ALOX15B: variants seen among roughly 807,000 people sequenced by gnomAD.
ALOX15B encodes polyunsaturated fatty acid lipoxygenase ALOX15B.
A neutral mutation model predicts 73.8 loss-of-function variants in ALOX15B; 74 were observed. That is an observed-to-expected ratio of 1.00 (90% CI 0.83 to 1.22). The LOEUF (loss-of-function observed/expected upper bound fraction) is 1.22. ALOX15B is among the 50% of genes most tolerant of loss of function. The pLI, the probability that ALOX15B is intolerant of heterozygous loss-of-function variation, is 0.00. For synonymous variants in ALOX15B, 353 were observed against 357.2 expected, an observed-to-expected ratio of 0.99 and a Z score of 0.13; for missense variants, 896 against 859.9, an observed-to-expected ratio of 1.04 and a Z score of -0.52.
intron 9 of ALOX15B, 76 bp from the exon 10 acceptor site, chr17:8,046,831 G>A: frequency 5.6e-6 from 9 of 1,611,214 alleles, no homozygotes; most frequent in Non-Finnish European, 6.8e-6. Flanking sequence ...GGTAGGAGTG[G>A]CCCATCTCCC....
At position 8,045,559 on chromosome 17, in the gene ALOX15B, C is replaced by G; in HGVS notation, c.1073C>G (p.Thr358Ser). The change falls in exon 8 of 14, where the codon ACC (threonine) becomes AGC (serine). Residue 358 changes from threonine (T) to serine (S), a missense_variant. Thr to Ser is a moderately conservative substitution (Grantham distance 58). Coordinates refer to ENST00000380183, the MANE Select transcript of ALOX15B (RefSeq NM_001141.3). ...AAGTGGGACTGGTTGCTGGCCAAGACCTGGGTGCGCAATGCCGAGTTCTCC... is the reference window on the plus strand; with the variant it reads ...AAGTGGGACTGGTTGCTGGCCAAGAGCTGGGTGCGCAATGCCGAGTTCTCC... Reference protein sequence around the residue: ...DDKWDWLLAKTWVRNAEFSFH... With the variant: ...DDKWDWLLAKSWVRNAEFSFH... The G allele has an allele frequency of 1.2e-6, 2 of 1,614,196 alleles. No homozygotes were observed. Among genetic ancestry groups the G allele is most frequent in the Non-Finnish European group, 1.7e-6 (2 of 1,180,038 alleles).
chr17:8,043,178 A>T (rs1464818055), intron 5 of ALOX15B, among the ~76,000 whole-genome samples: 2 of 152,210 alleles, frequency 1.3e-5, no homozygotes, highest in African/African-American at 4.8e-5. Flanking sequence ...GGTGTTAATT[A>T]GACTCAAAAT....
chr17:8,039,951 G>A lies in ALOX15B; in HGVS notation c.417G>A (p.Gln139=). Residue 139 remains glutamine, a synonymous_variant, in exon 3 of 14, where the codon CAG becomes CAA. Coordinates refer to ENST00000380183, the MANE Select transcript of ALOX15B (RefSeq NM_001141.3). The stretch of plus-strand genomic sequence containing the variant: ...ACCCTGTGCTCCAGCAACAGCGCCA[G>A]GAGGAGCTTCAGGCCCGGCAGGAGA... ...DHHPVLQQQR[Q]EELQARQEMY... is the part of the protein sequence containing the mutation. 1 of 1,613,770 alleles carries A rather than the reference G, an allele frequency of 6.2e-7. No homozygotes were observed. The highest frequency in any genetic ancestry group is 8.5e-7 in the Non-Finnish European group (1 of 1,179,860).
chr17:8,048,666 A>G lies in ALOX15B; in HGVS notation c.*101A>G, dbSNP rs1316657633. On this transcript the variant is annotated 3_prime_UTR_variant, in exon 14 of 14. Coordinates refer to ENST00000380183, the MANE Select transcript of ALOX15B (RefSeq NM_001141.3). ...GACTCCTCAGAAAAAACAGGCCCCC[A>G]TGTGCCTCTCCTGGGACAACCAGAC... is the stretch of plus-strand genomic sequence containing the variant. 3 of 1,350,322 alleles carry G rather than the reference A, an allele frequency of 2.2e-6. No individual in the cohort carries two copies. The highest frequency in any genetic ancestry group is 1.4e-5 in the South Asian group (1 of 69,604). The allele number at this position is 1,350,322 out of a possible 1,614,324, so 83.6% of individuals were successfully genotyped here. A position where few individuals can be genotyped will look rare whatever the true frequency, so the allele number is the denominator to read the frequency against.
At chr17:8,044,806 C>T in intron 5 of ALOX15B, 23 bp from the exon 6 acceptor site, 2 of 1,245,438 alleles carry the variant, frequency 1.6e-6, no homozygotes, top group Non-Finnish European at 2.2e-6. Context: ...TGACCCCGTT[C>T]CCCTGTCCCC....
chr17:8,045,089 C>A (rs1976569363), intron 6 of ALOX15B, 88 bp downstream of exon 6: 2 of 1,588,676 alleles, frequency 1.3e-6, no homozygotes, highest in South Asian at 2.3e-5. Context: ...GGCACACTCA[C>A]ATTTGTTAGG....
Position 8,044,105 on chromosome 17 carries a change from G to GAGGAAGGAAGGAAGGAAGGA in ALOX15B, c.677-694_677-675dup, listed in dbSNP as rs556498649. Among the ~76,000 whole-genome samples, 572 of 62,332 alleles carry GAGGAAGGAAGGAAGGAAGGA rather than the reference G, an allele frequency of 9.2e-3. 9 individuals carry two copies. The highest frequency in any genetic ancestry group is 0.023 in the Middle Eastern group (3 of 130). The allele number at this position is 62,332 out of a possible 152,430, so 40.9% of individuals were successfully genotyped here. On this transcript the variant is annotated intron_variant, in intron 5 of 13. Coordinates refer to ENST00000380183, the MANE Select transcript of ALOX15B (RefSeq NM_001141.3). ...GTGGGGAGTGGGGGAGAGAGAGAGA[G>GAGGAAGGAAGGAAGGAAGGA]AGGAAGGAAGGAAGGAAGGAAGGAA...
intron 5 of ALOX15B, 128 bp from the exon 6 acceptor site, chr17:8,044,699 ACT>A (rs1976555940): frequency 2.6e-6 from 2 of 762,232 alleles, no homozygotes; most frequent in South Asian, 1.8e-5. Flanking sequence ...AGGGGAGGTA[ACT>A]CTGAGGACAC....
In ALOX15B at chr17:8,039,275, T is replaced by C. The variant is rs867172889; in HGVS notation, c.120T>C (p.Asn40=). ...AGAGCCCCCCACTGCCCCTGGACAA[T>C]CTCGGCAAGGAGTTCACTGCGGGCG... ...RGESPPLPLD[N]LGKEFTAGAE... The change falls in exon 1 of 14, where the codon AAT becomes AAC. Residue 40 remains asparagine (N), a synonymous_variant. Coordinates refer to ENST00000380183, the MANE Select transcript of ALOX15B (RefSeq NM_001141.3). 1.9e-6 allele frequency: 3 copies of C among 1,590,940 alleles called. No homozygotes were observed. The highest frequency in any genetic ancestry group is 2.6e-6 in the Non-Finnish European group (3 of 1,167,728).
chr17:8,040,641 A>AAGTT (rs1976432133), intron 3 of ALOX15B, among the ~76,000 whole-genome samples: 2 of 130,210 alleles, frequency 1.5e-5, no homozygotes, highest in Admixed American at 7.4e-5. Context: ...GAAAGAAAGA[A>AAGTT]AGAAAGAAAG....
chr17:8,041,438 A>G (rs559708498), intron 3 of ALOX15B, among the ~76,000 whole-genome samples: 1 of 152,344 alleles, frequency 6.6e-6, no homozygotes, highest in South Asian at 2.1e-4. Flanking sequence ...ACGTACAGTG[A>G]GGTCTCAGAT....
chr17:8,043,928 G>A (rs1255187119), intron 5 of ALOX15B, among the ~76,000 whole-genome samples: 1 of 152,140 alleles, frequency 6.6e-6, no homozygotes, highest in Non-Finnish European at 1.5e-5. Context: ...ACTTAGCCAG[G>A]TGTGGTGGCA....
In ALOX15B at chr17:8,042,682, G is replaced by A. The variant is rs574804741; in HGVS notation, c.573-99G>A. On this transcript the variant is annotated intron_variant, in intron 4 of 13. Transcript: ENST00000380183. ...TAGGGGTAGTGACTACCTTGGGCCC[G>A]GAGGCTGGTTCAGGATCCCAAGAGG... is the stretch of plus-strand genomic sequence containing the variant. 41 of 1,357,466 alleles carry A rather than the reference G, an allele frequency of 3.0e-5. No homozygotes were observed. In the African/African-American group the frequency reaches 3.8e-4, roughly 13 times the overall value. The allele number at this position is 1,357,466 out of a possible 1,614,324, so 84.1% of individuals were successfully genotyped here.
rs1235342266 is a variant in ALOX15B at position 8,045,432 on chromosome 17, A to AGACACT, written c.996+48_996+49insGACACT. On this transcript the variant is annotated intron_variant, in intron 7 of 13. Transcript: ENST00000380183. ...GGCAGCGTGAAGAAGAGTCAGGAGA[A>AGACACT]TGGTTGGAAGACACTCATGGCTGCC... 3 of 1,613,600 alleles carry AGACACT rather than the reference A, an allele frequency of 1.9e-6. No individual in the cohort carries two copies. The African/African-American group carries it at 4.0e-5, about 22-fold the overall frequency.
At chr17:8,042,520 G>A in intron 4 of ALOX15B, 29 bp downstream of exon 4, 1 of 1,609,876 alleles carries the variant, frequency 6.2e-7, no homozygotes, top group African/African-American at 1.3e-5. Flanking sequence ...CCCTGCCCCT[G>A]GGCCTCAGAT....
chr17:8,040,635 GAAAGAAAGAAAGAAAGA>G (rs1360572946), intron 3 of ALOX15B, among the ~76,000 whole-genome samples: 218 of 131,164 alleles, frequency 1.7e-3, no homozygotes, highest in Middle Eastern at 3.9e-3. Context: ...AAGAAAGAAA[GAAAGAAAGAAAGAAAGA>G]AAAGAAAGAG....
rs777874394 is a variant in ALOX15B, at chr17:8,047,039, C to T, written c.1420C>T (p.Arg474Cys). 37 of 1,613,812 alleles carry T rather than the reference C, an allele frequency of 2.3e-5. No homozygotes were observed. Among genetic ancestry groups the T allele is most frequent in the Non-Finnish European group, 2.7e-5 (32 of 1,180,014 alleles). The part of the protein sequence containing the change: ...GVEDIPGYYY[R>C]DDGMQIWGAV... ...TGAAGACATCCCAGGCTACTACTAC[C>T]GTGATGATGGGATGCAGATCTGGGG... The change falls in exon 10 of 14, where the codon CGT (arginine) becomes TGT (cysteine). Residue 474 changes from arginine to cysteine, a missense_variant. Coordinates refer to ENST00000380183, the MANE Select transcript of ALOX15B (RefSeq NM_001141.3).
intron 2 of ALOX15B, 84 bp downstream of exon 2, chr17:8,039,689 T>G: frequency 7.4e-7 from 1 of 1,347,842 alleles, no homozygotes; most frequent in African/African-American, 1.5e-5. Context: ...GCAGGTGAAA[T>G]GGAGAGGTGA....
intron 13 of ALOX15B, 87 bp downstream of exon 13, chr17:8,048,002 C>T: frequency 6.8e-7 from 1 of 1,460,432 alleles, no homozygotes; most frequent in Non-Finnish European, 9.2e-7. Context: ...CCCAACCCTG[C>T]CATCAGGTAG....
Sources: gnomAD v4.1 joint callset for allele counts (sites outside exome capture counted in the v4.1 genomes callset) on GRCh38, gnomAD v4.1.1 for gene constraint, MANE v1.5 for transcripts, NCBI Gene and HGNC (gene_info 2026-07-23, HGNC 2026-07-21) for gene names.